Variants in NOL9 observed in about 807,000 individuals in gnomAD.
NOL9 encodes the protein nucleolar protein 9.
Under a neutral mutation model 67.9 loss-of-function variants are expected in NOL9, and 28 were observed. The observed-to-expected ratio is 0.41, with a 90% CI of 0.31 to 0.57. NOL9 has a LOEUF of 0.57. Among genes scored for constraint, NOL9 ranks in the 20% least tolerant of loss-of-function variants. The probability of loss-of-function intolerance (pLI) is 0.25; values close to 1 mark genes in which losing one functional copy is unlikely to be tolerated. For synonymous variants in NOL9, 356 were observed against 352.2 expected (o/e 1.01, Z -0.12); for missense variants, 777 against 897.0 (o/e 0.87, Z 1.71).
At chr1:6,541,204 A>G (rs923886844) in intron 6 of NOL9, among the ~76,000 whole-genome samples, 1 of 151,800 alleles carries the variant, frequency 6.6e-6, no homozygotes, top group Admixed American at 6.6e-5. Context: ...TTGGGTTTTG[A>G]GATGGAGACT....
Position 6,532,014 on chromosome 1 carries a change from G to A in NOL9, c.1601C>T (p.Pro534Leu), listed in dbSNP as rs764858074. ...TAAAGGAGAAAGTGGTTTGGGCATCGGGGGCTGCAGCTGGCTAAGGTAACT... is the reference window on the plus strand; with the variant it reads ...TAAAGGAGAAAGTGGTTTGGGCATCAGGGGCTGCAGCTGGCTAAGGTAACT... ...ILSYLSQLQP[P>L]MPKPLSPLHS... Residue 534 changes from proline to leucine, a missense_variant, in exon 9 of 12, where the codon CCG becomes CTG. Around this residue, in one of 2 missense-constraint regions of NOL9, gnomAD observed 413 missense variants for 552.6 expected, o/e 0.75. Coordinates refer to ENST00000377705, the MANE Select transcript of NOL9 (RefSeq NM_024654.5). The A allele has an allele frequency of 6.8e-6, 11 of 1,613,864 alleles. No homozygotes were observed. The highest frequency in any genetic ancestry group is 4.0e-5 in the African/African-American group (3 of 74,918).
chr1:6,532,048 A>T lies in NOL9; in HGVS notation c.1567T>A (p.Ser523Thr), dbSNP rs1639040937. 6.2e-7 allele frequency: 1 copy of T among 1,614,052 alleles called. No individual in the cohort carries two copies. The highest frequency in any genetic ancestry group is 1.1e-5 in the South Asian group (1 of 91,088). Residue 523 changes from serine (S) to threonine (T), a missense_variant, in exon 9 of 12, where the codon TCC (serine) becomes ACC (threonine). Around this residue, in one of 2 missense-constraint regions of NOL9, gnomAD observed 413 missense variants for 552.6 expected, o/e 0.75. Coordinates refer to ENST00000377705, the MANE Select transcript of NOL9 (RefSeq NM_024654.5). Reference sequence around the variant, plus strand: ...AGCTGGCTAAGGTAACTCAAGATGGACAGATCTCGAAGAATTTTGTTATGT... The same window carrying T: ...AGCTGGCTAAGGTAACTCAAGATGGTCAGATCTCGAAGAATTTTGTTATGT... ...ESHNKILRDL[S>T]ILSYLSQLQP...
At chr1:6,536,278 G>A (rs1639153925) in intron 6 of NOL9, among the ~76,000 whole-genome samples, 1 of 151,690 alleles carries the variant, frequency 6.6e-6, no homozygotes, top group African/African-American at 2.4e-5. Flanking sequence ...CCCAGGAGGC[G>A]GAGCTTGCAG....
intron 2 of NOL9, among the ~76,000 whole-genome samples, chr1:6,549,984 G>T (rs1366483049): frequency 6.6e-5 from 10 of 152,138 alleles, no homozygotes; most frequent in Admixed American, 4.6e-4. Context: ...GGTTTATATA[G>T]ATACCACAAC....
At position 6,537,028 on chromosome 1, in the gene NOL9, G is replaced by A. The variant is rs545566867; in HGVS notation, c.1076-3587C>T. ...ACTGTCTCTCTCAAAAACCAAGCAC[G>A]GTAATGGCATAAAAAAAGACATATC... On this transcript the variant is annotated intron_variant, in intron 6 of 11. Coordinates refer to ENST00000377705, the MANE Select transcript of NOL9 (RefSeq NM_024654.5). Among the ~76,000 whole-genome samples the A allele has an allele frequency of 5.3e-5, 8 of 151,850 alleles. 1 individual carries two copies. The South Asian group carries it at 1.2e-3, about 24-fold the overall frequency.
chr1:6,532,356 A>G, intron 8 of NOL9, 107 bp downstream of exon 8: 1 of 1,039,994 alleles, frequency 9.6e-7, no homozygotes, highest in Non-Finnish European at 1.4e-6. Flanking sequence ...CAGCTGTGAC[A>G]GGGACCTGAA....
chr1:6,525,681 G>T lies in NOL9; in HGVS notation c.*173C>A. ...ACTAGAACAAATTCTAGCTCATGCAGCTTTAAAAGAGAAACTTAAGACTAC... is the reference window on the plus strand; with the variant it reads ...ACTAGAACAAATTCTAGCTCATGCATCTTTAAAAGAGAAACTTAAGACTAC... On this transcript the variant is annotated 3_prime_UTR_variant, in exon 12 of 12. Coordinates refer to ENST00000377705, the MANE Select transcript of NOL9 (RefSeq NM_024654.5). The T allele has an allele frequency of 1.5e-6, 1 of 688,560 alleles. No homozygotes were observed. The highest frequency in any genetic ancestry group is 2.5e-6 in the Non-Finnish European group (1 of 404,640). 42.7% of individuals were successfully genotyped at this position (688,560 alleles called of 1,614,324 possible). A position where few individuals can be genotyped will look rare whatever the true frequency, so the allele number is the denominator to read the frequency against.
At position 6,542,492 on chromosome 1, in the gene NOL9, C is replaced by T. The variant is rs544385691; in HGVS notation, c.978-565G>A. On this transcript the variant is annotated intron_variant, in intron 5 of 11. Coordinates refer to ENST00000377705, the MANE Select transcript of NOL9 (RefSeq NM_024654.5). The stretch of plus-strand genomic sequence containing the variant: ...TTTTTTTTTGAGATGGAGTCCTGCT[C>T]TGTCGCCCAGGTTGGAGTGCAGTGG... 6.2e-5 allele frequency among the ~76,000 whole-genome samples: 9 copies of T among 145,320 alleles called. No homozygotes were observed. The Admixed American group carries it at 6.4e-4, about 10-fold the overall frequency.
intron 6 of NOL9, among the ~76,000 whole-genome samples, chr1:6,540,600 T>C (rs1414525617): frequency 6.6e-6 from 1 of 151,636 alleles, no homozygotes; most frequent in Non-Finnish European, 1.5e-5. Flanking sequence ...CAGAGGTGAG[T>C]AGATGACCTG....
At chr1:6,526,058 G>A in intron 11 of NOL9, 55 bp from the exon 12 acceptor site, 3 of 1,507,286 alleles carry the variant, frequency 2.0e-6, no homozygotes, top group Non-Finnish European at 2.8e-6. Context: ...GCCCAGAGGG[G>A]TTTACAGTGC....
intron 2 of NOL9, among the ~76,000 whole-genome samples, chr1:6,550,166 G>A (rs1223703645): frequency 1.3e-5 from 2 of 152,070 alleles, no homozygotes; most frequent in East Asian, 3.9e-4. Context: ...CGAGTAGCTG[G>A]GACTACAGGC....
rs747923018 is a variant in NOL9, at chr1:6,529,146, C to T, written c.1673G>A (p.Arg558Gln). The change falls in exon 10 of 12, where the codon CGG becomes CAG. Residue 558 changes from arginine to glutamine, a missense_variant. Arg to Gln is a conservative substitution (Grantham distance 43). This residue lies in a region of NOL9 where 413 missense variants were observed against 552.6 expected (regional missense o/e 0.75). Transcript: ENST00000377705. Reference sequence around the variant, plus strand: ...AGGGGCGACATCAGAGTGGGTAATCCGGAGTGCGACTGCATTGAAAGGGAC... The same window carrying T: ...AGGGGCGACATCAGAGTGGGTAATCTGGAGTGCGACTGCATTGAAAGGGAC... Reference protein sequence around the residue: ...YQVPFNAVALRITHSDVAPTH... With the variant: ...YQVPFNAVALQITHSDVAPTH... The T allele has an allele frequency of 2.4e-5, 39 of 1,613,660 alleles. No individual in the cohort carries two copies. Among genetic ancestry groups the T allele is most frequent in the Non-Finnish European group, 3.1e-5 (36 of 1,179,812 alleles).
rs1638789327 is a variant in NOL9, at chr1:6,522,409, G to C, written c.*3445C>G. 2.0e-5 allele frequency: 3 copies of C among 152,080 alleles called. No homozygotes were observed. The highest frequency in any genetic ancestry group is 2.0e-4 in the Admixed American group (3 of 15,248). The allele number at this position is 152,080 out of a possible 1,614,324, so 9.4% of individuals were successfully genotyped here. A position where few individuals can be genotyped will look rare whatever the true frequency, so the allele number is the denominator to read the frequency against. ...TACTAAAAATACAAAAATTAGCTGGGTGTGGTGGCAGGCGCCTGTAATCCC... is the reference window on the plus strand; with the variant it reads ...TACTAAAAATACAAAAATTAGCTGGCTGTGGTGGCAGGCGCCTGTAATCCC... On this transcript the variant is annotated 3_prime_UTR_variant, in exon 12 of 12. Coordinates refer to ENST00000377705, the MANE Select transcript of NOL9 (RefSeq NM_024654.5).
intron 9 of NOL9, among the ~76,000 whole-genome samples, chr1:6,529,613 A>AAAAATAAAAAAT (rs1441458510): frequency 6.6e-6 from 1 of 151,544 alleles, no homozygotes; most frequent in African/African-American, 2.4e-5. Context: ...AATAAAAAAT[A>AAAAATAAAAAAT]AAAATAAAAA....
chr1:6,539,793 A>G (rs1417279881), intron 6 of NOL9, among the ~76,000 whole-genome samples: 1 of 152,134 alleles, frequency 6.6e-6, no homozygotes, highest in Non-Finnish European at 1.5e-5. Context: ...CAGGAATTAA[A>G]TTTTGATACA....
Position 6,544,495 on chromosome 1 carries a change from G to A in NOL9, c.977+331C>T, listed in dbSNP as rs537428769. ...ACTGTGCCACTGCACTCCAGCCTGA[G>A]GGAAACCCTGTCTGAAAACACACAC... is the stretch of plus-strand genomic sequence containing the variant. On this transcript the variant is annotated intron_variant, in intron 5 of 11. Coordinates refer to ENST00000377705, the MANE Select transcript of NOL9 (RefSeq NM_024654.5). Among the ~76,000 whole-genome samples the A allele has an allele frequency of 2.8e-4, 43 of 151,730 alleles. 1 individual carries two copies. The highest frequency in any genetic ancestry group is 1.0e-3 in the African/African-American group (43 of 41,346).
At chr1:6,550,668 G>T in intron 1 of NOL9, 53 bp from the exon 2 acceptor site, 181 of 945,470 alleles carry the variant, frequency 1.9e-4, no homozygotes, top group Non-Finnish European at 2.6e-4. Context: ...ACTAATGACT[G>T]AAACATTCTA....
intron 6 of NOL9, among the ~76,000 whole-genome samples, chr1:6,541,188 G>GTT (rs1269090466): frequency 6.6e-6 from 1 of 151,848 alleles, no homozygotes; most frequent in Non-Finnish European, 1.5e-5. Flanking sequence ...GCTAATTTTT[G>GTT]TTTTTTTGGG....
chr1:6,526,927 A>AT (rs1638898650), intron 10 of NOL9, 98 bp from the exon 11 acceptor site: 1 of 1,404,132 alleles, frequency 7.1e-7, no homozygotes, highest in South Asian at 1.5e-5. Flanking sequence ...ATAAGTCTTT[A>AT]TATCAACTCT....
Sources: allele counts gnomAD v4.1 joint callset (sites outside exome capture counted in the v4.1 genomes callset), GRCh38; gene constraint gnomAD v4.1.1; regional missense constraint gnomAD v4.1.1; transcripts MANE v1.5; gene names NCBI Gene and HGNC (gene_info 2026-07-23, HGNC 2026-07-21).